USP34: variants seen among roughly 807,000 people sequenced by gnomAD.
USP34 encodes the protein ubiquitin specific peptidase 34.
Under a neutral mutation model 460.3 loss-of-function variants are expected in USP34, and 70 were observed. The ratio of observed to expected loss-of-function variants is 0.15; its 90% CI spans 0.13 to 0.19. USP34 has a LOEUF of 0.19. Ranked by LOEUF, USP34 falls within the 10% of genes least tolerant of loss-of-function variation. USP34 has a pLI of 1.00. For missense variants in USP34, 3,985 were observed against 4,236.2 expected, an observed-to-expected ratio of 0.94 and a Z score of 1.65; for synonymous variants, 1,647 against 1,405.3, an observed-to-expected ratio of 1.17 and a Z score of -3.85.
chr2:61,407,841 G>A (rs1189275907), intron 2 of USP34, among the ~76,000 whole-genome samples: 3 of 152,154 alleles, frequency 2.0e-5, no homozygotes, highest in Admixed American at 2.0e-4. Flanking sequence ...GAGGCTGGGT[G>A]TGGTGGCTCA....
intron 27 of USP34, among the ~76,000 whole-genome samples, chr2:61,309,341 C>T (rs1163756852): frequency 6.6e-6 from 1 of 151,986 alleles, no homozygotes; most frequent in Non-Finnish European, 1.5e-5. Flanking sequence ...CAACCAATAA[C>T]GAGAAAGGTA....
intron 1 of USP34, among the ~76,000 whole-genome samples, chr2:61,445,811 G>C (rs1219446084): frequency 1.3e-5 from 2 of 152,140 alleles, no homozygotes; most frequent in East Asian, 3.9e-4. Flanking sequence ...TGCCAGGCGT[G>C]GTGCTATGCA....
intron 58 of USP34, among the ~76,000 whole-genome samples, chr2:61,231,151 T>C (rs562273934): frequency 1.3e-5 from 2 of 152,286 alleles, no homozygotes; most frequent in East Asian, 1.9e-4. Flanking sequence ...AAAAGACTAA[T>C]AGTGTATGAG....
intron 8 of USP34, among the ~76,000 whole-genome samples, chr2:61,373,266 T>A (rs1037709509): frequency 6.6e-6 from 1 of 150,732 alleles, no homozygotes; most frequent in African/African-American, 2.4e-5. Context: ...AAACAAGATA[T>A]GAGATACACA....
intron 5 of USP34, among the ~76,000 whole-genome samples, chr2:61,386,289 A>G (rs902897326): frequency 3.3e-5 from 5 of 152,292 alleles, no homozygotes; most frequent in Middle Eastern, 3.4e-3. Context: ...CTGTGCAACA[A>G]AAGTAGAACT....
intron 37 of USP34, among the ~76,000 whole-genome samples, chr2:61,282,437 A>T (rs983179862): frequency 1.3e-5 from 2 of 152,220 alleles, no homozygotes; most frequent in Non-Finnish European, 2.9e-5. Flanking sequence ...CAACATGGGA[A>T]GCAAAATATA....
At chr2:61,352,712 G>A (rs1340995368) in intron 10 of USP34, among the ~76,000 whole-genome samples, 1 of 150,948 alleles carries the variant, frequency 6.6e-6, no homozygotes, top group Non-Finnish European at 1.5e-5. Context: ...TTTCAAATGT[G>A]TACATTATTT....
rs1423644624 is a variant in USP34, at chr2:61,394,940, A to G, written c.666T>C (p.Leu222=). ...YVCLFCGKNG[L]SLMKDCFEYG... ...ATTCAAAGCAATCCTTCATGAGAGAAAGGCCATTTTTCCCACAAAACAAAC... is the reference window on the plus strand; with the variant it reads ...ATTCAAAGCAATCCTTCATGAGAGAGAGGCCATTTTTCCCACAAAACAAAC... Residue 222 remains leucine, a synonymous_variant, in exon 5 of 80, where the codon CTT becomes CTC. Transcript: ENST00000398571. The G allele has an allele frequency of 6.2e-7, 1 of 1,608,610 alleles. No homozygotes were observed. Among genetic ancestry groups the G allele is most frequent in the Non-Finnish European group, 8.5e-7 (1 of 1,178,228 alleles).
intron 51 of USP34, among the ~76,000 whole-genome samples, chr2:61,244,045 A>C (rs1404210033): frequency 2.6e-5 from 4 of 152,092 alleles, no homozygotes; most frequent in Non-Finnish European, 5.9e-5. Flanking sequence ...AGAAGCAATA[A>C]GGAAGCCCTT....
intron 29 of USP34, among the ~76,000 whole-genome samples, chr2:61,297,416 A>C (rs1392916625): frequency 3.9e-5 from 6 of 152,246 alleles, no homozygotes; most frequent in African/African-American, 1.4e-4. Context: ...ACAATTTTAG[A>C]GACCTATTTT....
intron 8 of USP34, among the ~76,000 whole-genome samples, chr2:61,377,453 T>C (rs1157140148): frequency 6.6e-6 from 1 of 152,118 alleles, no homozygotes; most frequent in Non-Finnish European, 1.5e-5. Context: ...CTATAAAAAC[T>C]ACTTTTTTAA....
intron 6 of USP34, among the ~76,000 whole-genome samples, chr2:61,382,814 C>T (rs192587271): frequency 2.6e-5 from 4 of 152,272 alleles, no homozygotes; most frequent in African/African-American, 9.6e-5. Flanking sequence ...AACTGTAACC[C>T]ACCCCCTAGA....
At chr2:61,294,750 G>C (rs887879134) in intron 32 of USP34, among the ~76,000 whole-genome samples, 199 bp downstream of exon 32, 1 of 152,130 alleles carries the variant, frequency 6.6e-6, no homozygotes, top group Non-Finnish European at 1.5e-5. Context: ...GGGAAAATCA[G>C]AGCTAAAAGC....
chr2:61,453,566 C>T (rs1381660028), intron 1 of USP34, among the ~76,000 whole-genome samples: 1 of 151,488 alleles, frequency 6.6e-6, no homozygotes, highest in Non-Finnish European at 1.5e-5. Context: ...AAAAATTAGC[C>T]AGGCATGGTG....
intron 2 of USP34, chr2:61,417,026 A>C: frequency 7.6e-7 from 1 of 1,320,762 alleles, no homozygotes; most frequent in Non-Finnish European, 1.1e-6. Flanking sequence ...CACTTCTTCC[A>C]GATGTGGATC....
At chr2:61,407,623 C>T (rs1050515458) in intron 2 of USP34, among the ~76,000 whole-genome samples, 4 of 152,018 alleles carry the variant, frequency 2.6e-5, no homozygotes, top group African/African-American at 7.3e-5. Flanking sequence ...TCTGTGTAGA[C>T]GGAACTCACT....
chr2:61,348,172 C>A lies in USP34; in HGVS notation c.1983G>T (p.Met661Ile). 1.2e-6 allele frequency: 2 copies of A among 1,614,174 alleles called. No individual in the cohort carries two copies. The highest frequency in any genetic ancestry group is 1.7e-6 in the Non-Finnish European group (2 of 1,180,034). The change falls in exon 15 of 80, where the codon ATG becomes ATT. Residue 661 changes from methionine to isoleucine, a missense_variant. Physicochemically the swap from Met to Ile is conservative, Grantham distance 10. Coordinates refer to ENST00000398571, the MANE Select transcript of USP34 (RefSeq NM_014709.4). ...AGICLGDSQG[M>I]SERNGTSSGT... ...CGCTGCTTGTCCCATTTCTTTCTGACATGCCTTGGGAGTCCCCCAGGCAAA... is the reference window on the plus strand; with the variant it reads ...CGCTGCTTGTCCCATTTCTTTCTGAAATGCCTTGGGAGTCCCCCAGGCAAA...
intron 1 of USP34, among the ~76,000 whole-genome samples, chr2:61,467,321 AT>A (rs1272172991): frequency 1.3e-5 from 2 of 152,056 alleles, no homozygotes; most frequent in East Asian, 1.9e-4. Flanking sequence ...AAATAAAAAA[AT>A]AATAATAATA....
intron 1 of USP34, among the ~76,000 whole-genome samples, chr2:61,424,163 T>C (rs1329157305): frequency 6.6e-6 from 1 of 152,066 alleles, no homozygotes; most frequent in Non-Finnish European, 1.5e-5. Flanking sequence ...GAAAGCACCA[T>C]CTCCAAGAGA....
Sources: gnomAD v4.1 joint callset for allele counts (sites outside exome capture counted in the v4.1 genomes callset) on GRCh38, gnomAD v4.1.1 for gene constraint, MANE v1.5 for transcripts, NCBI Gene and HGNC (gene_info 2026-07-23, HGNC 2026-07-21) for gene names.